The following USP7 variants were observed in gnomAD, a reference collection of about 807,000 sequenced individuals.
The protein encoded by USP7 is ubiquitin C-terminal hydrolase 7.
USP7 carries 9 observed loss-of-function variants against 162.9 expected under a neutral mutation model. That is an observed-to-expected ratio of 0.06 (90% confidence interval 0.03 to 0.10). The LOEUF (loss-of-function observed/expected upper bound fraction) is 0.10. USP7 is among the 10% of genes least tolerant of loss of function. The pLI, the probability that USP7 is intolerant of heterozygous loss-of-function variation, is 1.00. For synonymous variants in USP7, 562 were observed against 475.9 expected (o/e 1.18, Z -2.35); for missense variants, 715 against 1,373.7 (o/e 0.52, Z 7.58).
Position 8,946,129 on chromosome 16 carries a change from C to G in USP7, c.80-15732G>C, listed in dbSNP as rs181095284. Among the ~76,000 whole-genome samples, 25 of 152,328 alleles carry G rather than the reference C, an allele frequency of 1.6e-4. No individual in the cohort carries two copies. In the East Asian group the frequency reaches 4.8e-3, roughly 29 times the overall value. On this transcript the variant is annotated intron_variant, in intron 1 of 30. Coordinates refer to ENST00000344836, the MANE Select transcript of USP7 (RefSeq NM_003470.3). ...TCTACAGCCCCTCCCCCACAAGACT[C>G]TCAACCTAAACCTCACACCTTATAC...
Position 8,902,104 on chromosome 16 carries a change from G to C in USP7, c.2025C>G (p.Thr675=). Reference sequence around the variant, plus strand: ...TACGATCTTTATCAAACTTGGGTAAGGTCGCTCCACTAGCAGCCAGCTCGG... The same window carrying C: ...TACGATCTTTATCAAACTTGGGTAACGTCGCTCCACTAGCAGCCAGCTCGG... ...VDPELAASGA[T]LPKFDKDHDV... is the part of the protein sequence containing the mutation. Residue 675 remains threonine (T), a synonymous_variant, in exon 18 of 31, where the codon ACC becomes ACG. Transcript: ENST00000344836. 4 of 1,614,214 alleles carry C rather than the reference G, an allele frequency of 2.5e-6. No homozygotes were observed. Among genetic ancestry groups the C allele is most frequent in the Non-Finnish European group, 2.5e-6 (3 of 1,180,042 alleles).
Position 8,897,058 on chromosome 16 carries a change from G to A in USP7, c.2760C>T (p.Asp920=). Residue 920 remains aspartate (D), a synonymous_variant, in exon 26 of 31, where the codon GAC becomes GAT. Coordinates refer to ENST00000344836, the MANE Select transcript of USP7 (RefSeq NM_003470.3). ...CGGCCTTTTTACATTCTTCTAACAG[G>A]TCCCGGACACACCCATGCTTGTCTG... is the stretch of plus-strand genomic sequence containing the variant. ...LYPDKHGCVR[D]LLEECKKAVE... The A allele has an allele frequency of 1.2e-6, 2 of 1,614,038 alleles. No homozygotes were observed. The highest frequency in any genetic ancestry group is 2.2e-5 in the East Asian group (1 of 44,886).
intron 1 of USP7, among the ~76,000 whole-genome samples, chr16:8,950,235 AAAT>A (rs1172861074): frequency 1.3e-5 from 2 of 152,190 alleles, no homozygotes; most frequent in Non-Finnish European, 2.9e-5. Context: ...GAAGGTCTAG[AAAT>A]AATGTTATCA....
chr16:8,893,051 A>G lies in USP7; in HGVS notation c.*947T>C, dbSNP rs1271974919. Reference sequence around the variant, plus strand: ...TGAAATTCACTTGCAGACTCACCCAACAAAAAGGAACCTCCTCCCAGTGGC... The same window carrying G: ...TGAAATTCACTTGCAGACTCACCCAGCAAAAAGGAACCTCCTCCCAGTGGC... On this transcript the variant is annotated 3_prime_UTR_variant, in exon 31 of 31. Transcript: ENST00000344836. 1 of 152,208 alleles carries G rather than the reference A, an allele frequency of 6.6e-6. No homozygotes were observed. The highest frequency in any genetic ancestry group is 1.5e-5 in the Non-Finnish European group (1 of 68,036). 9.4% of individuals were successfully genotyped at this position (152,208 alleles called of 1,614,324 possible). A position where few individuals can be genotyped will look rare whatever the true frequency, so the allele number is the denominator to read the frequency against.
intron 1 of USP7, among the ~76,000 whole-genome samples, chr16:8,938,508 C>G (rs1001633477): frequency 2.0e-5 from 3 of 151,930 alleles, no homozygotes; most frequent in Non-Finnish European, 4.4e-5. Flanking sequence ...GTCAGGAGAT[C>G]GAGACCATCC....
At chr16:8,961,580 C>G (rs942221049) in intron 1 of USP7, among the ~76,000 whole-genome samples, 1 of 149,138 alleles carries the variant, frequency 6.7e-6, no homozygotes, top group African/African-American at 2.5e-5. Flanking sequence ...AACACACATG[C>G]TCTGCAGTAA....
chr16:8,935,706 G>A (rs1398672182), intron 1 of USP7: 11 of 152,156 alleles, frequency 7.2e-5, no homozygotes, highest in Non-Finnish European at 1.5e-4. Context: ...GTGATTGCTA[G>A]GCCTTTTAAC....
intron 1 of USP7, among the ~76,000 whole-genome samples, chr16:8,931,124 T>G (rs1017749005): frequency 1.1e-4 from 16 of 152,186 alleles, no homozygotes; most frequent in Non-Finnish European, 1.5e-5. Flanking sequence ...TGAAGATTAC[T>G]GAACATATGC....
rs192285710 is a variant in USP7 at position 8,918,914 on chromosome 16, C to T, written c.720+117G>A. 2.3e-4 allele frequency: 225 copies of T among 973,538 alleles called. 1 individual carries two copies. The highest frequency in any genetic ancestry group is 8.0e-4 in the South Asian group (57 of 71,348). The allele number at this position is 973,538 out of a possible 1,614,324, so 60.3% of individuals were successfully genotyped here. On this transcript the variant is annotated intron_variant, in intron 6 of 30. Transcript: ENST00000344836. The stretch of plus-strand genomic sequence containing the variant: ...AAACGCAGCATGAACTAGCAGCCAT[C>T]TGAGGAGACAGGGCCAGGGGAGGGA...
rs922699658 is a variant in USP7 at position 8,914,939 on chromosome 16, A to G, written c.1078+315T>C. Among the ~76,000 whole-genome samples, 3 of 152,192 alleles carry G rather than the reference A, an allele frequency of 2.0e-5. No homozygotes were observed. The South Asian group carries it at 6.2e-4, about 31-fold the overall frequency. Reference sequence around the variant, plus strand: ...AAACAACAGCGAAATAAACAAACAAATACATCCTACTACAAGGTTCTATTT... The same window carrying G: ...AAACAACAGCGAAATAAACAAACAAGTACATCCTACTACAAGGTTCTATTT... On this transcript the variant is annotated intron_variant, in intron 10 of 30. Coordinates refer to ENST00000344836, the MANE Select transcript of USP7 (RefSeq NM_003470.3).
chr16:8,921,025 C>T, intron 4 of USP7, 132 bp downstream of exon 4: 1 of 1,035,200 alleles, frequency 9.7e-7, no homozygotes, highest in Non-Finnish European at 1.3e-6. Flanking sequence ...AACATGTTTT[C>T]AAAGACACTT....
chr16:8,905,506 C>T (rs2061846017), intron 13 of USP7, among the ~76,000 whole-genome samples, 175 bp from the exon 14 acceptor site: 1 of 152,214 alleles, frequency 6.6e-6, no homozygotes. Flanking sequence ...GCAGGCAGCG[C>T]CTCAGGCATC....
chr16:8,936,804 G>A (rs1390734194), intron 1 of USP7: 2 of 1,225,658 alleles, frequency 1.6e-6, no homozygotes, highest in Non-Finnish European at 2.1e-6. Flanking sequence ...GGCAGTCCAG[G>A]AACAGAAGAG....
chr16:8,948,519 C>A (rs1391668150), intron 1 of USP7, among the ~76,000 whole-genome samples: 1 of 152,128 alleles, frequency 6.6e-6, no homozygotes, highest in African/African-American at 2.4e-5. Flanking sequence ...GAAGCATATT[C>A]CTAACTGCAA....
At chr16:8,924,006 ATT>A (rs968710072) in intron 2 of USP7, among the ~76,000 whole-genome samples, 2 of 150,446 alleles carry the variant, frequency 1.3e-5, no homozygotes, top group African/African-American at 4.9e-5. Flanking sequence ...AGGGGGAATA[ATT>A]TTTTTTTTAA....
At position 8,951,123 on chromosome 16, in the gene USP7, T is replaced by C. The variant is rs1438081511; in HGVS notation, c.79+12084A>G. ...CGATCAGTGACTTAACAGGCAAGGC[T>C]TAAAGTCAAACCAAGTAAGGATTTC... On this transcript the variant is annotated intron_variant, in intron 1 of 30. Transcript: ENST00000344836. 2.0e-5 allele frequency among the ~76,000 whole-genome samples: 3 copies of C among 152,194 alleles called. No homozygotes were observed. In the East Asian group the frequency reaches 5.8e-4, roughly 29 times the overall value.
chr16:8,896,612 C>A (rs552330904), intron 26 of USP7, among the ~76,000 whole-genome samples: 25 of 152,288 alleles, frequency 1.6e-4, no homozygotes, highest in Non-Finnish European at 2.8e-4. Flanking sequence ...TCAGGAGTCA[C>A]CCCTTCCAGT....
chr16:8,912,700 C>A (rs1387692887), intron 10 of USP7, among the ~76,000 whole-genome samples: 2 of 151,366 alleles, frequency 1.3e-5, no homozygotes, highest in East Asian at 1.9e-4. Context: ...GGCGGGCAGA[C>A]TGATTGGGCA....
chr16:8,898,555 T>C lies in USP7; in HGVS notation c.2616A>G (p.Gln872=). The part of the protein sequence containing the change: ...RDLLQFFKPR[Q]PKKLYYQQLK... Reference sequence around the variant, plus strand: ...CCTGCTGATAGTAAAGTTTCTTAGGTTGTCTAGGCTTGAAGAACTGTAGAA... The same window carrying C: ...CCTGCTGATAGTAAAGTTTCTTAGGCTGTCTAGGCTTGAAGAACTGTAGAA... Residue 872 remains glutamine (Q), a synonymous_variant, in exon 24 of 31, where the codon CAA becomes CAG. Coordinates refer to ENST00000344836, the MANE Select transcript of USP7 (RefSeq NM_003470.3). 1 of 1,611,712 alleles carries C rather than the reference T, an allele frequency of 6.2e-7. No individual in the cohort carries two copies. The highest frequency in any genetic ancestry group is 2.2e-5 in the East Asian group (1 of 44,860).
Sources: gnomAD v4.1 joint callset for allele counts (sites outside exome capture counted in the v4.1 genomes callset) on GRCh38, gnomAD v4.1.1 for gene constraint, MANE v1.5 for transcripts, NCBI Gene and HGNC (gene_info 2026-07-23, HGNC 2026-07-21) for gene names.